SNCAIP: variants seen among roughly 807,000 people sequenced by gnomAD.
SNCAIP encodes synphilin-1.
A neutral mutation model predicts 86.7 loss-of-function variants in SNCAIP; 43 were observed. The ratio of observed to expected loss-of-function variants is 0.50; its 90% confidence interval spans 0.39 to 0.64. The LOEUF (loss-of-function observed/expected upper bound fraction) is 0.64. Ranked by LOEUF, SNCAIP falls within the 30% of genes least tolerant of loss-of-function variation. The probability of loss-of-function intolerance (pLI) is 0.00; values close to 1 mark genes in which losing one functional copy is unlikely to be tolerated. For synonymous variants in SNCAIP, 417 were observed against 427.2 expected, an observed-to-expected ratio of 0.98 and a Z score of 0.29; for missense variants, 981 against 1,103.1, an observed-to-expected ratio of 0.89 and a Z score of 1.57.
At chr5:122,344,312 G>T (rs61319256) in intron 1 of SNCAIP, among the ~76,000 whole-genome samples, 2,851 of 152,248 alleles carry the variant, frequency 0.019, 86 homozygotes, top group African/African-American at 0.065. Context: ...GGATATTAAA[G>T]ATCACAAACA....
At chr5:122,348,413 A>T (rs1759066668) in intron 1 of SNCAIP, among the ~76,000 whole-genome samples, 1 of 152,138 alleles carries the variant, frequency 6.6e-6, no homozygotes, top group Non-Finnish European at 1.5e-5. Flanking sequence ...GTCCCCACAG[A>T]TCAGTTACAA....
At chr5:122,418,176 A>G (rs1462406322) in intron 3 of SNCAIP, among the ~76,000 whole-genome samples, 1 of 152,214 alleles carries the variant, frequency 6.6e-6, no homozygotes, top group Admixed American at 6.5e-5. Flanking sequence ...GCAGGGAAAA[A>G]TTAGTGATTT....
chr5:122,389,576 C>A (rs1768900680), intron 1 of SNCAIP: 1 of 152,108 alleles, frequency 6.6e-6, no homozygotes, highest in Non-Finnish European at 1.5e-5. Context: ...CATTTTTATA[C>A]CAAGCAATTT....
At chr5:122,404,244 A>AG (rs1772478364) in intron 3 of SNCAIP, among the ~76,000 whole-genome samples, 2 of 152,352 alleles carry the variant, frequency 1.3e-5, no homozygotes, top group East Asian at 3.9e-4. Flanking sequence ...CCATATGGCA[A>AG]GGACCAGCTT....
At chr5:122,391,296 A>G in intron 2 of SNCAIP, 105 bp downstream of exon 2, 2 of 859,080 alleles carry the variant, frequency 2.3e-6, no homozygotes, top group East Asian at 2.5e-5. Context: ...TTCTGACTAC[A>G]TTTAGAAATT....
At position 122,450,724 on chromosome 5, in the gene SNCAIP, A is replaced by G. The variant is rs142599705; in HGVS notation, c.1877A>G (p.Lys626Arg). 2.5e-6 allele frequency: 4 copies of G among 1,614,106 alleles called. No individual in the cohort carries two copies. The highest frequency in any genetic ancestry group is 3.4e-6 in the Non-Finnish European group (4 of 1,180,036). The change falls in exon 10 of 11, where the codon AAG (lysine) becomes AGG (arginine). Residue 626 changes from lysine to arginine, a missense_variant. By Grantham distance (26) the Lys-to-Arg change is conservative (BLOSUM62 2). Transcript: ENST00000261368. ...SDKILRQLLG[K>R]EISENVCTQE... ...AAAATCTTACGCCAGTTATTGGGAA[A>G]GGAAATCTCAGAAAATGTCTGCACC...
chr5:122,448,616 T>C (rs1348386427), intron 8 of SNCAIP, among the ~76,000 whole-genome samples: 1 of 140,252 alleles, frequency 7.1e-6, no homozygotes, highest in African/African-American at 2.7e-5. Flanking sequence ...TATATATTTT[T>C]ATATATATAA....
At chr5:122,345,440 C>T (rs1758411092) in intron 1 of SNCAIP, among the ~76,000 whole-genome samples, 1 of 152,056 alleles carries the variant, frequency 6.6e-6, no homozygotes, top group Non-Finnish European at 1.5e-5. Context: ...GATTGGGCAC[C>T]TGTTTATTAC....
At chr5:122,421,265 A>G (rs193000521) in intron 3 of SNCAIP, among the ~76,000 whole-genome samples, 34 of 152,352 alleles carry the variant, frequency 2.2e-4, no homozygotes, top group Non-Finnish European at 4.1e-4. Context: ...AGTGGACTGC[A>G]TAGTGCAGAC....
At chr5:122,415,658 C>A (rs1006680491) in intron 3 of SNCAIP, among the ~76,000 whole-genome samples, 1 of 152,180 alleles carries the variant, frequency 6.6e-6, no homozygotes, top group African/African-American at 2.4e-5. Flanking sequence ...ACTCAGAGTC[C>A]TTTGTCCTTG....
chr5:122,428,631 A>G (rs897671319), intron 5 of SNCAIP, among the ~76,000 whole-genome samples: 1 of 151,580 alleles, frequency 6.6e-6, no homozygotes, highest in African/African-American at 2.4e-5. Context: ...TCTAGGGTAC[A>G]TGTGCACAAC....
chr5:122,320,401 G>A (rs1035450463), intron 1 of SNCAIP, among the ~76,000 whole-genome samples: 1 of 152,158 alleles, frequency 6.6e-6, no homozygotes, highest in African/African-American at 2.4e-5. Flanking sequence ...CCTCTAAGTT[G>A]CGGTCACAGC....
intron 3 of SNCAIP, among the ~76,000 whole-genome samples, chr5:122,410,021 T>C (rs1411640186): frequency 6.6e-6 from 1 of 152,202 alleles, no homozygotes; most frequent in Non-Finnish European, 1.5e-5. Flanking sequence ...TTCAACCTGA[T>C]GCAGCAAGAA....
At chr5:122,400,914 T>A in intron 2 of SNCAIP, 2 of 1,396,674 alleles carry the variant, frequency 1.4e-6, no homozygotes, top group Non-Finnish European at 1.9e-6. Context: ...AGAAAAAGAA[T>A]AAATTATAGA....
chr5:122,450,624 G>C lies in SNCAIP; in HGVS notation c.1777G>C (p.Glu593Gln), dbSNP rs1275305445. ...AGCCAAAAGCAAGCCAGGAGTCCAA[G>C]AGGGGATTCAGGTTCTTGGAAGCCT... ...SVAKSKPGVQ[E>Q]GIQVLGSLSA... Residue 593 changes from glutamate (E) to glutamine (Q), a missense_variant, in exon 10 of 11, where the codon GAG becomes CAG. Glu to Gln is a conservative substitution (Grantham distance 29). Transcript: ENST00000261368. 6.2e-7 allele frequency: 1 copy of C among 1,614,142 alleles called. No homozygotes were observed. The highest frequency in any genetic ancestry group is 8.5e-7 in the Non-Finnish European group (1 of 1,179,990).
chr5:122,445,672 AC>A (rs1438074262), intron 8 of SNCAIP, among the ~76,000 whole-genome samples: 6 of 147,522 alleles, frequency 4.1e-5, no homozygotes, highest in Admixed American at 6.8e-5. Context: ...ACACACACAC[AC>A]ATTTTTTTTC....
rs567490658 is a variant in SNCAIP at position 122,383,950 on chromosome 5, G to A, written c.-46-7139G>A. 3.9e-5 allele frequency among the ~76,000 whole-genome samples: 6 copies of A among 152,342 alleles called. No individual in the cohort carries two copies. The East Asian group carries it at 9.7e-4, about 25-fold the overall frequency. ...CTTATAGACTAGTTCAGGGATACCTGTGGGTAAGGTGTGTTAGAGACACAA... is the reference window on the plus strand; with the variant it reads ...CTTATAGACTAGTTCAGGGATACCTATGGGTAAGGTGTGTTAGAGACACAA... On this transcript the variant is annotated intron_variant, in intron 1 of 10. Coordinates refer to ENST00000261368, the MANE Select transcript of SNCAIP (RefSeq NM_005460.4).
chr5:122,447,616 G>A (rs1782614488), intron 8 of SNCAIP, among the ~76,000 whole-genome samples: 2 of 152,184 alleles, frequency 1.3e-5, no homozygotes. Flanking sequence ...TTAAAAACAT[G>A]TGACTTGCAA....
At chr5:122,353,741 G>T (rs1480419717) in intron 1 of SNCAIP, among the ~76,000 whole-genome samples, 2 of 152,086 alleles carry the variant, frequency 1.3e-5, no homozygotes, top group African/African-American at 4.8e-5. Flanking sequence ...TGCCATAATT[G>T]TGAGGCCTCC....
Sources: gnomAD v4.1 joint callset for allele counts (sites outside exome capture counted in the v4.1 genomes callset) on GRCh38, gnomAD v4.1.1 for gene constraint, MANE v1.5 for transcripts, NCBI Gene and HGNC (gene_info 2026-07-23, HGNC 2026-07-21) for gene names.